Variants in TF observed in about 807,000 individuals in gnomAD.
The protein encoded by TF is serotransferrin.
A neutral mutation model predicts 82.4 loss-of-function variants in TF; 55 were observed. That is an observed-to-expected ratio of 0.67 (90% CI 0.54 to 0.84). The LOEUF (loss-of-function observed/expected upper bound fraction) is 0.84, where lower values mean the gene tolerates loss of function less well. Ranked by LOEUF, TF falls within the 40% of genes least tolerant of loss-of-function variation. TF has a pLI of 0.00. For missense variants in TF, 737 were observed against 868.4 expected, an observed-to-expected ratio of 0.85 and a Z score of 1.90; for synonymous variants, 332 against 332.6, an observed-to-expected ratio of 1.00 and a Z score of 0.02.
chr3:133,748,126 G>C, intron 1 of TF: 1 of 484,172 alleles, frequency 2.1e-6, no homozygotes, highest in Non-Finnish European at 3.8e-6. Context: ...GAGACAAGGC[G>C]GATACAGAGG....
rs1356165149 is a variant in TF at position 133,791,173 on chromosome 3, G to A, written c.*12553G>A. ...TATCTGGAATTCCTAGGCTACCTTT[G>A]TCAGGCTGGCAGGAATTGATGGAGC... On this transcript the variant is annotated 3_prime_UTR_variant, in exon 17 of 17. Transcript: ENST00000402696. 6.6e-6 allele frequency: 1 copy of A among 152,054 alleles called. No individual in the cohort carries two copies. Among genetic ancestry groups the A allele is most frequent in the African/African-American group, 2.4e-5 (1 of 41,394 alleles). The allele number at this position is 152,054 out of a possible 1,614,324, so 9.4% of individuals were successfully genotyped here. A position where few individuals can be genotyped will look rare whatever the true frequency, so the allele number is the denominator to read the frequency against.
At chr3:133,753,517 A>G in intron 2 of TF, 78 bp from the exon 3 acceptor site, 3 of 1,287,812 alleles carry the variant, frequency 2.3e-6, no homozygotes, top group Non-Finnish European at 3.4e-6. Flanking sequence ...CCTGGTAGCC[A>G]CTCTCTACTT....
At chr3:133,664,610 G>A in the TF span, among the ~76,000 whole-genome samples, 78 of 152,220 alleles carry the variant, frequency 5.1e-4, no homozygotes, top group Middle Eastern at 3.4e-3. Flanking sequence ...ATAAGTCACT[G>A]CGCCTGGCCA....
chr3:133,686,272 C>G, the TF span, among the ~76,000 whole-genome samples: 1 of 152,186 alleles, frequency 6.6e-6, no homozygotes, highest in African/African-American at 2.4e-5. Flanking sequence ...CAATACCATT[C>G]AGGACATAGG....
At chr3:133,712,559 G>A in the TF span, 6 of 152,378 alleles carry the variant, frequency 3.9e-5, no homozygotes, top group African/African-American at 1.5e-4. Context: ...ACAAATAACT[G>A]AATGTGTCTT....
chr3:133,765,760 A>G (rs1262012816), intron 11 of TF, among the ~76,000 whole-genome samples: 1 of 152,232 alleles, frequency 6.6e-6, no homozygotes, highest in Non-Finnish European at 1.5e-5. Flanking sequence ...AAGGACCAGT[A>G]TATATTTGCT....
At chr3:133,710,987 G>A in the TF span, among the ~76,000 whole-genome samples, 3 of 152,206 alleles carry the variant, frequency 2.0e-5, no homozygotes, top group African/African-American at 2.4e-5. Flanking sequence ...CAGTTGGAAC[G>A]ATGTGCTTCT....
chr3:133,692,232 A>C, the TF span, among the ~76,000 whole-genome samples: 1 of 151,946 alleles, frequency 6.6e-6, no homozygotes, highest in South Asian at 2.1e-4. Context: ...TGGTGAGGAG[A>C]GGTTTGGGGG....
the TF span, among the ~76,000 whole-genome samples, chr3:133,736,091 A>G: frequency 6.6e-6 from 1 of 152,374 alleles, no homozygotes; most frequent in South Asian, 2.1e-4. Context: ...AGCCCATCAG[A>G]CTAACAGCAG....
chr3:133,756,057 A>T (rs1483886235), intron 5 of TF, among the ~76,000 whole-genome samples: 1 of 152,110 alleles, frequency 6.6e-6, no homozygotes. Context: ...AAATATCTTC[A>T]GTTGCATTTT....
the TF span, among the ~76,000 whole-genome samples, chr3:133,731,811 T>C: frequency 2.0e-5 from 3 of 152,242 alleles, no homozygotes; most frequent in Non-Finnish European, 4.4e-5. Context: ...ATGCAGCTAC[T>C]CAGTGGTCTA....
the TF span, among the ~76,000 whole-genome samples, chr3:133,738,125 G>A: frequency 6.6e-6 from 1 of 152,132 alleles, no homozygotes; most frequent in African/African-American, 2.4e-5. Context: ...CGATCAAGTT[G>A]GCTTCATCCC....
chr3:133,667,949 T>C, the TF span, among the ~76,000 whole-genome samples: 3 of 152,238 alleles, frequency 2.0e-5, no homozygotes, highest in South Asian at 2.1e-4. Flanking sequence ...TCCTTAGTAA[T>C]AGAGTATCCT....
chr3:133,756,430 G>A, intron 6 of TF, 93 bp downstream of exon 6: 1 of 1,362,462 alleles, frequency 7.3e-7, no homozygotes, highest in Non-Finnish European at 1.0e-6. Context: ...TTGGAAATGA[G>A]CATACTGTAT....
At chr3:133,758,258 A>C (rs576359489) in intron 8 of TF, among the ~76,000 whole-genome samples, 6 of 152,354 alleles carry the variant, frequency 3.9e-5, no homozygotes, top group African/African-American at 1.4e-4. Flanking sequence ...AGTAAGTGAA[A>C]TAGAACAAAA....
the TF span, among the ~76,000 whole-genome samples, chr3:133,736,635 A>AAAG: frequency 2.1e-5 from 3 of 141,810 alleles, no homozygotes; most frequent in Non-Finnish European, 4.5e-5. Flanking sequence ...GAAAGCCAAA[A>AAAG]AAAAAAAAAA....
Position 133,780,640 on chromosome 3 carries a change from T to C in TF, c.*2020T>C, listed in dbSNP as rs1330175093. On this transcript the variant is annotated 3_prime_UTR_variant, in exon 17 of 17. Coordinates refer to ENST00000402696, the MANE Select transcript of TF (RefSeq NM_001063.4). ...CCAATTATACAAGAAAAATAAGTTA[T>C]AATATTTAAAGAAATGCCAAAATTA... is the stretch of plus-strand genomic sequence containing the variant. 2 of 152,202 alleles carry C rather than the reference T, an allele frequency of 1.3e-5. No individual in the cohort carries two copies. Among genetic ancestry groups the C allele is most frequent in the African/African-American group, 2.4e-5 (1 of 41,452 alleles). 9.4% of individuals were successfully genotyped at this position (152,202 alleles called of 1,614,324 possible).
At chr3:133,707,328 C>T in the TF span, among the ~76,000 whole-genome samples, 12 of 152,208 alleles carry the variant, frequency 7.9e-5, no homozygotes, top group Admixed American at 3.3e-4. Context: ...TGTCATGGAC[C>T]GCAGTGTGGT....
At chr3:133,708,378 A>G in the TF span, among the ~76,000 whole-genome samples, 10 of 152,190 alleles carry the variant, frequency 6.6e-5, no homozygotes, top group Non-Finnish European at 1.5e-5. Context: ...TTGAAAAAGT[A>G]CAGTGTATGT....
Sources: gnomAD v4.1 joint callset for allele counts (sites outside exome capture counted in the v4.1 genomes callset) on GRCh38, gnomAD v4.1.1 for gene constraint, MANE v1.5 for transcripts, NCBI Gene and HGNC (gene_info 2026-07-23, HGNC 2026-07-21) for gene names.